Variants in MAPKAPK2 observed in about 807,000 individuals in gnomAD.
MAPKAPK2 encodes the protein MAP kinase-activated protein kinase 2.
Under a neutral mutation model 48.8 loss-of-function variants are expected in MAPKAPK2, and 9 were observed. The observed-to-expected ratio is 0.18, with a 90% CI of 0.11 to 0.32. The LOEUF (loss-of-function observed/expected upper bound fraction) is 0.32, where lower values mean the gene tolerates loss of function less well. Ranked by LOEUF, MAPKAPK2 falls within the 10% of genes least tolerant of loss-of-function variation. MAPKAPK2 has a pLI of 1.00. For synonymous variants in MAPKAPK2, 202 were observed against 190.6 expected (o/e 1.06, Z -0.49); for missense variants, 331 against 498.3 (o/e 0.66, Z 3.20).
chr1:206,726,279 C>T (rs1673699130), intron 1 of MAPKAPK2, among the ~76,000 whole-genome samples: 1 of 152,222 alleles, frequency 6.6e-6, no homozygotes, highest in African/African-American at 2.4e-5. Flanking sequence ...CCCAGCTACT[C>T]AGGAGGCTGA....
At chr1:206,706,797 C>A (rs1481908144) in intron 1 of MAPKAPK2, among the ~76,000 whole-genome samples, 1 of 152,208 alleles carries the variant, frequency 6.6e-6, no homozygotes, top group African/African-American at 2.4e-5. Context: ...TTCAGATGTG[C>A]TCTTTCTAGG....
intron 1 of MAPKAPK2, chr1:206,695,972 A>G (rs1672610408): frequency 1.4e-6 from 1 of 729,276 alleles, no homozygotes; most frequent in Non-Finnish European, 2.5e-6. Flanking sequence ...TCTTGGTTCT[A>G]CTTCCTCCTA....
intron 1 of MAPKAPK2, among the ~76,000 whole-genome samples, chr1:206,725,250 G>T (rs189766938): frequency 6.6e-6 from 1 of 152,342 alleles, no homozygotes; most frequent in Non-Finnish European, 1.5e-5. Flanking sequence ...TTGGAATTCA[G>T]GGGGTGCTAA....
intron 5 of MAPKAPK2, among the ~76,000 whole-genome samples, 165 bp from the exon 6 acceptor site, chr1:206,730,523 C>A (rs1272416784): frequency 6.6e-6 from 1 of 152,208 alleles, no homozygotes; most frequent in Non-Finnish European, 1.5e-5. Flanking sequence ...GGAGGATGTT[C>A]TGTTCCAGTC....
intron 3 of MAPKAPK2, 36 bp from the exon 4 acceptor site, chr1:206,729,360 C>T (rs781882053): frequency 9.7e-6 from 15 of 1,552,018 alleles, no homozygotes; most frequent in Non-Finnish European, 1.3e-5. Context: ...GTCTTTGTGA[C>T]TTTCTTTCCC....
intron 1 of MAPKAPK2, among the ~76,000 whole-genome samples, chr1:206,714,609 A>G (rs1290616120): frequency 1.3e-5 from 2 of 151,728 alleles, no homozygotes; most frequent in African/African-American, 4.8e-5. Context: ...ACTTAAAAAA[A>G]AAAAAATTAG....
chr1:206,718,126 T>C (rs1673392061), intron 1 of MAPKAPK2, among the ~76,000 whole-genome samples: 1 of 152,258 alleles, frequency 6.6e-6, no homozygotes, highest in African/African-American at 2.4e-5. Flanking sequence ...GTCATCCATA[T>C]TACTACCACT....
intron 1 of MAPKAPK2, among the ~76,000 whole-genome samples, chr1:206,706,577 T>A (rs1558578789): frequency 6.6e-6 from 1 of 152,080 alleles, no homozygotes; most frequent in Non-Finnish European, 1.5e-5. Context: ...GAGCAAGCCC[T>A]TGCCAAGAAC....
Position 206,694,704 on chromosome 1 carries a change from G to A in MAPKAPK2, c.279+9196G>A, listed in dbSNP as rs190147292. ...GGGAGAGCCCTGGACACTAAAGGCC[G>A]TGTGTCTGGAACTTGGAGAATTCTA... On this transcript the variant is annotated intron_variant, in intron 1 of 9. Coordinates refer to ENST00000367103, the MANE Select transcript of MAPKAPK2 (RefSeq NM_032960.4). 5.3e-4 allele frequency among the ~76,000 whole-genome samples: 81 copies of A among 152,330 alleles called. 1 individual carries two copies. Among genetic ancestry groups the A allele is most frequent in the Middle Eastern group, 6.8e-3 (2 of 294 alleles).
At chr1:206,710,785 G>A (rs189709503) in intron 1 of MAPKAPK2, among the ~76,000 whole-genome samples, 3 of 152,342 alleles carry the variant, frequency 2.0e-5, no homozygotes, top group African/African-American at 2.4e-5. Flanking sequence ...ATGACAATTT[G>A]CAAAGGCATA....
chr1:206,729,042 G>A lies in MAPKAPK2; in HGVS notation c.427G>A (p.Gly143Ser), dbSNP rs1230603507. ...ACTGTGGCTTCATTTCAGTTTGGAC[G>A]GTGGAGAACTCTTTAGCCGAATCCA... ...CLLIVMECLD[G>S]GELFSRIQDR... Residue 143 changes from glycine (G) to serine (S), a missense_variant, in exon 3 of 10, where the codon GGT becomes AGT. Gly to Ser is a moderately conservative substitution (Grantham distance 56). Around this residue, in one of 4 missense-constraint regions of MAPKAPK2, gnomAD observed 111 missense variants for 193.6 expected, o/e 0.57. Transcript: ENST00000367103. 6.2e-7 allele frequency: 1 copy of A among 1,614,148 alleles called. No homozygotes were observed. The highest frequency in any genetic ancestry group is 8.5e-7 in the Non-Finnish European group (1 of 1,180,012).
In MAPKAPK2 at chr1:206,731,051, A is replaced by G. The variant is rs1673886213; in HGVS notation, c.768-87A>G. ...ATTTCTCTGTGACCTTTACAAGGAG[A>G]AGAGCCTGTTTCTCATCCTGTTCCT... On this transcript the variant is annotated intron_variant, in intron 6 of 9. Coordinates refer to ENST00000367103, the MANE Select transcript of MAPKAPK2 (RefSeq NM_032960.4). The surrounding 1 kb of genome is among the most constrained non-coding windows in gnomAD (Gnocchi z 5.9). 6.5e-7 allele frequency: 1 copy of G among 1,542,004 alleles called. No individual in the cohort carries two copies.
intron 1 of MAPKAPK2, among the ~76,000 whole-genome samples, chr1:206,718,532 C>CAA (rs60964142): frequency 0.051 from 5,837 of 114,316 alleles, 271 homozygotes; most frequent in African/African-American, 0.11. Context: ...GACTCCATCT[C>CAA]AAAAAAAAAA....
chr1:206,722,016 G>T (rs55730781), intron 1 of MAPKAPK2, among the ~76,000 whole-genome samples: 25,836 of 150,566 alleles, frequency 0.17, 2,415 homozygotes, highest in Non-Finnish European at 0.22. Context: ...GGTGAGCCGA[G>T]ATCGCACCAT....
At chr1:206,696,278 G>A in intron 1 of MAPKAPK2, 1 of 1,158,648 alleles carries the variant, frequency 8.6e-7, no homozygotes, top group Non-Finnish European at 1.3e-6. Context: ...ATTTCTGCAT[G>A]TTGTTTCCAG....
chr1:206,713,927 A>T (rs1368664840), intron 1 of MAPKAPK2, among the ~76,000 whole-genome samples: 1 of 152,176 alleles, frequency 6.6e-6, no homozygotes, highest in Non-Finnish European at 1.5e-5. Flanking sequence ...CAGGACTGGA[A>T]AAGGAAAGAT....
At chr1:206,726,466 C>G (rs1311547711) in intron 1 of MAPKAPK2, among the ~76,000 whole-genome samples, 2 of 152,270 alleles carry the variant, frequency 1.3e-5, no homozygotes, top group Non-Finnish European at 2.9e-5. Context: ...CACAAGGTGG[C>G]AGTGTGACCT....
At chr1:206,697,345 G>A (rs1028537168) in intron 1 of MAPKAPK2, among the ~76,000 whole-genome samples, 9 of 152,206 alleles carry the variant, frequency 5.9e-5, no homozygotes, top group Admixed American at 2.6e-4. Context: ...AGTCCATTTT[G>A]TGTTGCACTA....
intron 1 of MAPKAPK2, among the ~76,000 whole-genome samples, chr1:206,714,764 C>CAAAAAAAAA (rs373824626): frequency 8.6e-6 from 1 of 116,084 alleles, no homozygotes; most frequent in Non-Finnish European, 1.7e-5. Context: ...AACTCGGTCA[C>CAAAAAAAAA]AAAAAAAAAA....
Sources: allele counts gnomAD v4.1 joint callset (sites outside exome capture counted in the v4.1 genomes callset), GRCh38; gene constraint gnomAD v4.1.1; regional missense constraint gnomAD v4.1.1; non-coding constraint Gnocchi (gnomAD v3.1); transcripts MANE v1.5; gene names NCBI Gene and HGNC (gene_info 2026-07-23, HGNC 2026-07-21).